NXPH1: variants seen among roughly 807,000 people sequenced by gnomAD.
NXPH1 encodes neurexophilin-1.
Under a neutral mutation model 23.7 loss-of-function variants are expected in NXPH1, and 5 were observed. That is an observed-to-expected ratio of 0.21 (90% CI 0.11 to 0.44). The LOEUF (loss-of-function observed/expected upper bound fraction) is 0.44, where lower values mean the gene tolerates loss of function less well. Among genes scored for constraint, NXPH1 ranks in the 20% least tolerant of loss-of-function variants. NXPH1 has a pLI of 0.99. For missense variants in NXPH1, 324 were observed against 321.6 expected, an observed-to-expected ratio of 1.01 and a Z score of -0.06; for synonymous variants, 144 against 122.2, an observed-to-expected ratio of 1.18 and a Z score of -1.18.
At chr7:8,448,768 T>C (rs1816451079) in intron 2 of NXPH1, among the ~76,000 whole-genome samples, 1 of 143,520 alleles carries the variant, frequency 7.0e-6, no homozygotes, top group East Asian at 2.0e-4. Context: ...TGAGCTGAGA[T>C]TGTGCCACTG....
At chr7:8,594,115 C>G (rs1006670407) in intron 2 of NXPH1, among the ~76,000 whole-genome samples, 1 of 151,982 alleles carries the variant, frequency 6.6e-6, no homozygotes, top group African/African-American at 2.4e-5. Flanking sequence ...GATTATCTAC[C>G]TTGAAAGGCC....
chr7:8,737,577 T>C (rs1250541736), intron 2 of NXPH1, among the ~76,000 whole-genome samples: 1 of 152,232 alleles, frequency 6.6e-6, no homozygotes, highest in Non-Finnish European at 1.5e-5. Context: ...TTTTCCTTCA[T>C]TTCAACCTTG....
At chr7:8,660,244 A>C (rs1820650921) in intron 2 of NXPH1, among the ~76,000 whole-genome samples, 1 of 152,202 alleles carries the variant, frequency 6.6e-6, no homozygotes, top group Non-Finnish European at 1.5e-5. Flanking sequence ...TTTGCAAATA[A>C]GGAAAGTGAG....
intron 2 of NXPH1, among the ~76,000 whole-genome samples, chr7:8,680,918 G>A (rs11762794): frequency 6.6e-6 from 1 of 152,010 alleles, no homozygotes; most frequent in Non-Finnish European, 1.5e-5. Context: ...TGACCTAAAG[G>A]TATCAGCAAC....
intron 2 of NXPH1, among the ~76,000 whole-genome samples, chr7:8,581,113 G>C (rs1051886059): frequency 6.6e-6 from 1 of 152,040 alleles, no homozygotes; most frequent in Non-Finnish European, 1.5e-5. Flanking sequence ...AGAATTTTCA[G>C]GTTTATTGAA....
intron 2 of NXPH1, among the ~76,000 whole-genome samples, chr7:8,617,836 G>T (rs543025655): frequency 5.9e-5 from 9 of 152,170 alleles, no homozygotes; most frequent in Admixed American, 1.3e-4. Flanking sequence ...ATGCTTGAGG[G>T]GATGGGTACC....
intron 2 of NXPH1, among the ~76,000 whole-genome samples, chr7:8,729,007 C>G (rs1780104108): frequency 1.3e-5 from 2 of 151,586 alleles, no homozygotes; most frequent in Non-Finnish European, 2.9e-5. Context: ...ATTATTGCCA[C>G]AATTTCAGAT....
intron 2 of NXPH1, among the ~76,000 whole-genome samples, chr7:8,557,353 CAT>C (rs1818374437): frequency 6.6e-6 from 1 of 151,738 alleles, no homozygotes; most frequent in African/African-American, 2.4e-5. Flanking sequence ...TCAAATATCT[CAT>C]AACAATGTCA....
At chr7:8,556,535 C>T (rs1399544150) in intron 2 of NXPH1, among the ~76,000 whole-genome samples, 6 of 151,548 alleles carry the variant, frequency 4.0e-5, no homozygotes, top group South Asian at 2.1e-4. Context: ...CAATGAGTTC[C>T]GAGAATGCTC....
At chr7:8,659,850 G>T (rs1428935607) in intron 2 of NXPH1, among the ~76,000 whole-genome samples, 1 of 152,080 alleles carries the variant, frequency 6.6e-6, no homozygotes, top group Non-Finnish European at 1.5e-5. Flanking sequence ...AGTCACCTGA[G>T]GGTGCACAGC....
intron 2 of NXPH1, among the ~76,000 whole-genome samples, chr7:8,676,927 G>A (rs1243210259): frequency 2.6e-5 from 4 of 152,142 alleles, no homozygotes; most frequent in African/African-American, 7.2e-5. Flanking sequence ...TAAAGTATAT[G>A]GGCTTATGCA....
chr7:8,555,304 C>A (rs1453349408), intron 2 of NXPH1, among the ~76,000 whole-genome samples: 3 of 151,612 alleles, frequency 2.0e-5, no homozygotes, highest in Non-Finnish European at 3.0e-5. Context: ...GGTCACTTTG[C>A]TTTTAGTTCC....
chr7:8,728,297 G>C (rs571188810), intron 2 of NXPH1, among the ~76,000 whole-genome samples: 1 of 152,312 alleles, frequency 6.6e-6, no homozygotes, highest in East Asian at 1.9e-4. Context: ...GGGACAATTT[G>C]ACTTCCTCTT....
At chr7:8,608,234 T>C (rs1014509982) in intron 2 of NXPH1, among the ~76,000 whole-genome samples, 2 of 152,146 alleles carry the variant, frequency 1.3e-5, no homozygotes, top group African/African-American at 4.8e-5. Flanking sequence ...ACTACTTAGC[T>C]AGTTAGGAGG....
At chr7:8,689,341 T>C (rs1821193510) in intron 2 of NXPH1, among the ~76,000 whole-genome samples, 2 of 151,232 alleles carry the variant, frequency 1.3e-5, no homozygotes, top group South Asian at 2.1e-4. Flanking sequence ...ACCAACTTAC[T>C]ATCAGTCAGC....
chr7:8,542,422 A>G (rs1028017726), intron 2 of NXPH1, among the ~76,000 whole-genome samples: 4 of 151,540 alleles, frequency 2.6e-5, no homozygotes, highest in Admixed American at 6.6e-5. Flanking sequence ...CAAGTAAGCA[A>G]AAAAAATCGT....
At chr7:8,658,907 G>A (rs12702758) in intron 2 of NXPH1, among the ~76,000 whole-genome samples, 95,243 of 151,806 alleles carry the variant, frequency 0.63, 30,974 homozygotes, top group Middle Eastern at 0.76. Context: ...AATTATATGC[G>A]CAAGATTTAT....
chr7:8,730,871 A>C (rs1005369127), intron 2 of NXPH1, among the ~76,000 whole-genome samples: 9 of 150,970 alleles, frequency 6.0e-5, no homozygotes, highest in Admixed American at 2.0e-4. Flanking sequence ...GTATTTCCTG[A>C]ATCTGAACGT....
At chr7:8,624,727 G>C (rs1425009134) in intron 2 of NXPH1, among the ~76,000 whole-genome samples, 1 of 152,132 alleles carries the variant, frequency 6.6e-6, no homozygotes, top group Admixed American at 6.6e-5. Flanking sequence ...TGAATGAAAG[G>C]CATTTGGGAT....
Sources: gnomAD v4.1 joint callset for allele counts (sites outside exome capture counted in the v4.1 genomes callset) on GRCh38, gnomAD v4.1.1 for gene constraint, MANE v1.5 for transcripts, NCBI Gene and HGNC (gene_info 2026-07-23, HGNC 2026-07-21) for gene names.